Variants in MALL observed in about 807,000 individuals in gnomAD.
MALL encodes the protein mal, T cell differentiation protein like, also known as MAL-like protein.
Under a neutral mutation model 10.3 loss-of-function variants are expected in MALL, and 2 were observed. That is an observed-to-expected ratio of 0.19 (90% CI 0.08 to 0.61). The LOEUF (loss-of-function observed/expected upper bound fraction) is 0.61, where lower values mean the gene tolerates loss of function less well. Among genes scored for constraint, MALL ranks in the 20% least tolerant of loss-of-function variants. The pLI is 0.88. For synonymous variants in MALL, 27 were observed against 51.8 expected, an observed-to-expected ratio of 0.52 and a Z score of 2.05; for missense variants, 39 against 115.2, an observed-to-expected ratio of 0.34 and a Z score of 3.03.
chr2:110,117,833 A>C (rs570415771), upstream of MALL, among the ~76,000 whole-genome samples: 73 of 152,060 alleles, frequency 4.8e-4, 1 homozygote, highest in African/African-American at 1.7e-3. Context: ...ACAAACAAAC[A>C]AACAAAAAAC....
chr2:110,104,935 A>G (rs770991453), intron 1 of MALL, among the ~76,000 whole-genome samples: 1 of 152,196 alleles, frequency 6.6e-6, no homozygotes, highest in Non-Finnish European at 1.5e-5. Flanking sequence ...TTGTCTTACA[A>G]TGCGCTTTCT....
At chr2:110,104,098 G>A (rs1237068629) in intron 1 of MALL, among the ~76,000 whole-genome samples, 3 of 152,112 alleles carry the variant, frequency 2.0e-5, no homozygotes, top group African/African-American at 7.2e-5. Flanking sequence ...TTTCTTTAGG[G>A]TGACCACTGT....
intron 1 of MALL, among the ~76,000 whole-genome samples, chr2:110,114,565 A>G (rs535701091): frequency 6.6e-6 from 1 of 151,498 alleles, no homozygotes; most frequent in South Asian, 2.1e-4. Flanking sequence ...CTTGGCAGAA[A>G]CCTGCCTCTT....
rs565878628 is a variant in MALL at position 110,109,928 on chromosome 2, C to T, written c.105+5760G>A. ...TCAACTCCAAAAGGAATCTTCAAAA[C>T]CATTCAAATACATGGAAATTAAATA... On this transcript the variant is annotated intron_variant, in intron 1 of 3. Coordinates refer to ENST00000272462, the MANE Select transcript of MALL (RefSeq NM_005434.5). Among the ~76,000 whole-genome samples the T allele has an allele frequency of 1.7e-4, 26 of 152,202 alleles. No homozygotes were observed. The East Asian group carries it at 4.8e-3, about 28-fold the overall frequency.
intron 1 of MALL, among the ~76,000 whole-genome samples, chr2:110,097,964 T>C (rs1308637713): frequency 6.6e-6 from 1 of 152,024 alleles, no homozygotes; most frequent in Non-Finnish European, 1.5e-5. Context: ...GGTGCGGCTC[T>C]TGTCATCAGC....
chr2:110,111,658 C>A (rs1203013658), intron 1 of MALL, among the ~76,000 whole-genome samples: 1 of 151,924 alleles, frequency 6.6e-6, no homozygotes, highest in East Asian at 1.9e-4. Context: ...ACCATATTGC[C>A]AAAAGCAATC....
intron 1 of MALL, among the ~76,000 whole-genome samples, chr2:110,105,030 A>G (rs1402681331): frequency 1.3e-5 from 2 of 152,152 alleles, no homozygotes; most frequent in East Asian, 1.9e-4. Context: ...GACATTTCCT[A>G]TGAAGTCCAC....
At chr2:110,095,407 A>C (rs1280228177) in intron 1 of MALL, among the ~76,000 whole-genome samples, 1 of 152,164 alleles carries the variant, frequency 6.6e-6, no homozygotes, top group African/African-American at 2.4e-5. Context: ...TCTTATAAGC[A>C]AACACACACA....
intron 1 of MALL, among the ~76,000 whole-genome samples, chr2:110,104,202 G>A (rs1242915212): frequency 1.3e-5 from 2 of 152,144 alleles, no homozygotes; most frequent in African/African-American, 4.8e-5. Context: ...CTCTGTCCCT[G>A]ATTCTGGGGT....
At chr2:110,099,725 T>A (rs929301452) in intron 1 of MALL, among the ~76,000 whole-genome samples, 4 of 152,100 alleles carry the variant, frequency 2.6e-5, no homozygotes, top group African/African-American at 9.7e-5. Flanking sequence ...AGGGAAAGTC[T>A]ACCTGGTGCC....
At chr2:110,098,337 A>G (rs186371556) in intron 1 of MALL, among the ~76,000 whole-genome samples, 1 of 152,074 alleles carries the variant, frequency 6.6e-6, no homozygotes, top group East Asian at 1.9e-4. Context: ...AGTGCTTTCC[A>G]TCTTGCAGAT....
intron 1 of MALL, among the ~76,000 whole-genome samples, chr2:110,107,998 A>C (rs528006266): frequency 5.3e-5 from 8 of 152,282 alleles, no homozygotes; most frequent in African/African-American, 1.9e-4. Context: ...GAAGAATACT[A>C]CATCAGGGGA....
intron 1 of MALL, among the ~76,000 whole-genome samples, chr2:110,112,329 G>A (rs940192139): frequency 4.6e-5 from 7 of 152,072 alleles, no homozygotes; most frequent in Admixed American, 4.6e-4. Flanking sequence ...TTCGCAATCT[G>A]TACATCTGAC....
chr2:110,098,886 C>T (rs1193469379), intron 1 of MALL, among the ~76,000 whole-genome samples: 2 of 152,020 alleles, frequency 1.3e-5, no homozygotes, highest in African/African-American at 4.8e-5. Context: ...CCTGTAGTCT[C>T]AGCTACTCGG....
At chr2:110,114,640 G>A (rs1269265335) in intron 1 of MALL, among the ~76,000 whole-genome samples, 1 of 151,290 alleles carries the variant, frequency 6.6e-6, no homozygotes, top group Non-Finnish European at 1.5e-5. Context: ...CTTTCTGGTC[G>A]CCATCAATGG....
chr2:110,104,185 G>A (rs553577599), intron 1 of MALL, among the ~76,000 whole-genome samples: 2 of 152,214 alleles, frequency 1.3e-5, no homozygotes, highest in African/African-American at 2.4e-5. Context: ...CATCAGCATC[G>A]CTGCCCCTCT....
upstream of MALL, among the ~76,000 whole-genome samples, chr2:110,117,344 AAAGTT>A (rs1678938462): frequency 6.6e-6 from 1 of 152,154 alleles, no homozygotes; most frequent in African/African-American, 2.4e-5. Context: ...CATAGTAGGA[AAAGTT>A]TAAGTAAGAA....
chr2:110,095,622 C>A (rs1463549807), intron 1 of MALL, among the ~76,000 whole-genome samples: 3 of 151,478 alleles, frequency 2.0e-5, no homozygotes, highest in Admixed American at 2.0e-4. Flanking sequence ...CATCTTATAA[C>A]CTGCATTTTA....
At position 110,103,656 on chromosome 2, in the gene MALL, T is replaced by A. The variant is rs2104387601; in HGVS notation, c.106-11886A>T. 1.3e-5 allele frequency among the ~76,000 whole-genome samples: 2 copies of A among 152,276 alleles called. 1 individual carries two copies. Among genetic ancestry groups the A allele is most frequent in the Middle Eastern group, 6.8e-3 (2 of 294 alleles). ...AGTGGGTCAGACTGCCCGGGGCCTC[T>A]CTGTTAGACTCCATGCCAGCAGCCG... On this transcript the variant is annotated intron_variant, in intron 1 of 3. Transcript: ENST00000272462.
Sources: gnomAD v4.1 joint callset for allele counts (sites outside exome capture counted in the v4.1 genomes callset) on GRCh38, gnomAD v4.1.1 for gene constraint, MANE v1.5 for transcripts, NCBI Gene and HGNC (gene_info 2026-07-23, HGNC 2026-07-21) for gene names.